LEKR1: variants seen among roughly 807,000 people sequenced by gnomAD.
The protein encoded by LEKR1 is leucine, glutamate and lysine rich 1, also known as protein LEKR1.
Under a neutral mutation model 72.4 loss-of-function variants are expected in LEKR1, and 59 were observed. The ratio of observed to expected loss-of-function variants is 0.82; its 90% CI spans 0.66 to 1.01. The LOEUF (loss-of-function observed/expected upper bound fraction) is 1.01. LEKR1 is among the 50% of genes least tolerant of loss of function. The pLI is 0.00. For synonymous variants in LEKR1, 257 were observed against 263.2 expected, an observed-to-expected ratio of 0.98 and a Z score of 0.23; for missense variants, 728 against 759.2, an observed-to-expected ratio of 0.96 and a Z score of 0.48.
At chr3:156,986,246 T>A (rs760580012) in intron 7 of LEKR1, among the ~76,000 whole-genome samples, 4 of 152,044 alleles carry the variant, frequency 2.6e-5, no homozygotes, top group Non-Finnish European at 2.9e-5. Flanking sequence ...TCCTGAAGAG[T>A]TTCTGAGGAG....
intron 3 of LEKR1, among the ~76,000 whole-genome samples, chr3:156,899,325 C>CATGT (rs1270382824): frequency 9.8e-5 from 11 of 112,368 alleles, no homozygotes; most frequent in African/African-American, 4.4e-4. Context: ...TGTATATATA[C>CATGT]ATATATACAT....
At chr3:157,040,563 T>A (rs1735275000) in intron 12 of LEKR1, among the ~76,000 whole-genome samples, 1 of 152,224 alleles carries the variant, frequency 6.6e-6, no homozygotes, top group South Asian at 2.1e-4. Context: ...CCTGGAAGCC[T>A]TTGAATGGAA....
chr3:156,842,394 T>C (rs1184093030), intron 2 of LEKR1, among the ~76,000 whole-genome samples: 1 of 152,200 alleles, frequency 6.6e-6, no homozygotes, highest in Non-Finnish European at 1.5e-5. Flanking sequence ...TGTTACTTTT[T>C]ATGCTGGCTT....
intron 10 of LEKR1, among the ~76,000 whole-genome samples, chr3:157,020,585 A>G (rs1448768462): frequency 2.0e-5 from 3 of 151,576 alleles, no homozygotes; most frequent in African/African-American, 7.3e-5. Flanking sequence ...AATTTCATCC[A>G]TGTACCTACA....
chr3:156,868,391 C>T (rs1158492558), intron 3 of LEKR1, among the ~76,000 whole-genome samples: 1 of 151,982 alleles, frequency 6.6e-6, no homozygotes, highest in Non-Finnish European at 1.5e-5. Flanking sequence ...TATGATTACT[C>T]CCGGGCTTTG....
Position 156,920,596 on chromosome 3 carries a change from G to A in LEKR1, c.285G>A (p.Gln95=). ...KTERIYDVGM[Q]LKSQQNEFQK... is the part of the protein sequence containing the mutation. The stretch of plus-strand genomic sequence containing the variant: ...TTAGAATTTACGATGTAGGCATGCA[G>A]TTAAAAAGTCAACAAAATGAATTTC... The change falls in exon 4 of 13, where the codon CAG becomes CAA. Residue 95 remains glutamine (Q), a synonymous_variant. Coordinates refer to ENST00000356539, the MANE Select transcript of LEKR1 (RefSeq NM_001004316.3). 1 of 1,469,736 alleles carries A rather than the reference G, an allele frequency of 6.8e-7. No homozygotes were observed. Among genetic ancestry groups the A allele is most frequent in the Non-Finnish European group, 9.1e-7 (1 of 1,093,806 alleles). The allele number at this position is 1,469,736 out of a possible 1,614,324, so 91.0% of individuals were successfully genotyped here. A position where few individuals can be genotyped will look rare whatever the true frequency, so the allele number is the denominator to read the frequency against.
At position 156,881,255 on chromosome 3, in the gene LEKR1, T is replaced by C. The variant is rs542573123; in HGVS notation, c.263+28273T>C. Among the ~76,000 whole-genome samples, 40 of 152,116 alleles carry C rather than the reference T, an allele frequency of 2.6e-4. No individual in the cohort carries two copies. The South Asian group carries it at 7.3e-3, about 28-fold the overall frequency. ...TGATTGTATATCTAGAAAACCCCAT[T>C]GTCTCAGCCCAAAATCTCCTTAACC... On this transcript the variant is annotated intron_variant, in intron 3 of 12. Coordinates refer to ENST00000356539, the MANE Select transcript of LEKR1 (RefSeq NM_001004316.3).
At chr3:157,030,523 C>T (rs1394993713) in intron 12 of LEKR1, among the ~76,000 whole-genome samples, 1 of 152,108 alleles carries the variant, frequency 6.6e-6, no homozygotes, top group Admixed American at 6.6e-5. Context: ...CAGAATTTAT[C>T]ATAAAAAAAG....
intron 6 of LEKR1, among the ~76,000 whole-genome samples, chr3:156,950,087 A>G (rs1386818043): frequency 6.6e-6 from 1 of 151,390 alleles, no homozygotes; most frequent in Non-Finnish European, 1.5e-5. Context: ...CAATCTTAGT[A>G]ACATATATTT....
intron 2 of LEKR1, among the ~76,000 whole-genome samples, chr3:156,842,520 T>G (rs1714068680): frequency 6.6e-6 from 1 of 152,192 alleles, no homozygotes; most frequent in South Asian, 2.1e-4. Context: ...TCTTTGTGTA[T>G]TTTTGCTATG....
At chr3:156,950,803 A>G (rs915284627) in intron 6 of LEKR1, among the ~76,000 whole-genome samples, 3 of 151,594 alleles carry the variant, frequency 2.0e-5, no homozygotes, top group Admixed American at 6.6e-5. Flanking sequence ...GAAACATGTC[A>G]TCTGCAAACA....
intron 3 of LEKR1, among the ~76,000 whole-genome samples, chr3:156,914,489 G>T (rs1363391042): frequency 1.3e-5 from 2 of 152,152 alleles, no homozygotes; most frequent in Non-Finnish European, 1.5e-5. Context: ...CAAAGGACAT[G>T]AACTCAACCT....
intron 3 of LEKR1, among the ~76,000 whole-genome samples, chr3:156,894,615 AG>A (rs1720993743): frequency 6.6e-6 from 1 of 152,212 alleles, no homozygotes; most frequent in South Asian, 2.1e-4. Flanking sequence ...GTAAAGCCAA[AG>A]GCATCACACT....
At chr3:156,900,410 T>G (rs1244769219) in intron 3 of LEKR1, among the ~76,000 whole-genome samples, 1 of 152,204 alleles carries the variant, frequency 6.6e-6, no homozygotes, top group Non-Finnish European at 1.5e-5. Flanking sequence ...CAGCTCTAAG[T>G]TCTTTTTATC....
rs767163001 is a variant in LEKR1, at chr3:156,936,467, C to CACACACACACACACACACACA, written c.560-6062_560-6061insACACACACACACACACACACA. 1.4e-3 allele frequency among the ~76,000 whole-genome samples: 96 copies of CACACACACACACACACACACA among 70,150 alleles called. 2 individuals are homozygous for CACACACACACACACACACACA. Among genetic ancestry groups the CACACACACACACACACACACA allele is most frequent in the Middle Eastern group, 9.8e-3 (1 of 102 alleles). The allele number at this position is 70,150 out of a possible 152,430, so 46.0% of individuals were successfully genotyped here. A position where few individuals can be genotyped will look rare whatever the true frequency, so the allele number is the denominator to read the frequency against. On this transcript the variant is annotated intron_variant, in intron 5 of 12. Transcript: ENST00000356539. The stretch of plus-strand genomic sequence containing the variant: ...CACACACACACACACACACACACAC[C>CACACACACACACACACACACA]CCCCGTATGCCTAGCAGAATAAGGA...
chr3:156,877,989 G>T (rs544903651), intron 3 of LEKR1, among the ~76,000 whole-genome samples: 2 of 152,132 alleles, frequency 1.3e-5, no homozygotes, highest in South Asian at 4.1e-4. Flanking sequence ...CACCATGTTG[G>T]TCAGGCTGGT....
intron 9 of LEKR1, among the ~76,000 whole-genome samples, chr3:157,007,175 T>C (rs1576986662): frequency 6.6e-6 from 1 of 152,262 alleles, no homozygotes; most frequent in South Asian, 2.1e-4. Context: ...CACTCCAGCC[T>C]GGGCCACAGA....
intron 2 of LEKR1, among the ~76,000 whole-genome samples, chr3:156,841,956 G>A (rs1713965879): frequency 6.6e-6 from 1 of 152,138 alleles, no homozygotes; most frequent in Non-Finnish European, 1.5e-5. Context: ...TCTGAGCTCT[G>A]CCTCCTGTCA....
rs1308776952 is a variant in LEKR1, at chr3:156,920,686, C to T, written c.375C>T (p.Tyr125=). ...DELKIKYRQS[Y]IFSQRLSEYK... The stretch of plus-strand genomic sequence containing the variant: ...TAAAAATTAAATATAGACAATCATA[C>T]ATCTTCAGGTAAGATTAAAGAACTG... Residue 125 remains tyrosine (Y), a synonymous_variant, in exon 4 of 13, where the codon TAC becomes TAT. Transcript: ENST00000356539. 2 of 1,383,760 alleles carry T rather than the reference C, an allele frequency of 1.4e-6. No homozygotes were observed. The highest frequency in any genetic ancestry group is 1.3e-5 in the South Asian group (1 of 75,142). 85.7% of individuals were successfully genotyped at this position (1,383,760 alleles called of 1,614,324 possible).
Sources: allele counts gnomAD v4.1 joint callset (sites outside exome capture counted in the v4.1 genomes callset), GRCh38; gene constraint gnomAD v4.1.1; transcripts MANE v1.5; gene names NCBI Gene and HGNC (gene_info 2026-07-23, HGNC 2026-07-21).